The following ZFHX3 variants were observed in gnomAD, a reference collection of about 807,000 sequenced individuals.
The protein encoded by ZFHX3 is zinc finger homeobox 3, also known as zinc finger homeobox protein 3.
ZFHX3 carries 42 observed loss-of-function variants against 279.1 expected under a neutral mutation model. The ratio of observed to expected loss-of-function variants is 0.15; its 90% CI spans 0.12 to 0.19. ZFHX3 has a LOEUF of 0.19. ZFHX3 is among the 10% of genes least tolerant of loss of function. ZFHX3 has a pLI of 1.00. For missense variants in ZFHX3, 4,981 were observed against 4,754.0 expected (o/e 1.05, Z -1.40); for synonymous variants, 2,293 against 1,957.8 (o/e 1.17, Z -4.52).
chr16:73,486,674 C>G (rs1389506258), intron 2 of ZFHX3: 1 of 403,508 alleles, frequency 2.5e-6, no homozygotes, highest in East Asian at 7.2e-5. Context: ...AGGTGTGATG[C>G]AGTTTTTATT....
At chr16:73,762,768 C>G (rs1185370197) in intron 1 of ZFHX3, among the ~76,000 whole-genome samples, 1 of 152,098 alleles carries the variant, frequency 6.6e-6, no homozygotes, top group Non-Finnish European at 1.5e-5. Flanking sequence ...TAAGTGGGAG[C>G]TGAACAGTGT....
chr16:73,141,530 A>C (rs1264636893), intron 6 of ZFHX3, among the ~76,000 whole-genome samples: 3 of 151,562 alleles, frequency 2.0e-5, no homozygotes, highest in African/African-American at 7.3e-5. Context: ...CCCGAGTAGC[A>C]GGGACTACAG....
At chr16:73,087,814 A>C (rs766744361) in intron 8 of ZFHX3, among the ~76,000 whole-genome samples, 3 of 151,556 alleles carry the variant, frequency 2.0e-5, no homozygotes, top group African/African-American at 4.8e-5. Context: ...GCCAAGCCAA[A>C]CTTTCATTTC....
At chr16:72,867,255 A>G (rs773037531) in intron 4 of ZFHX3, among the ~76,000 whole-genome samples, 1 of 152,224 alleles carries the variant, frequency 6.6e-6, no homozygotes, top group African/African-American at 2.4e-5. Flanking sequence ...TCAGTGTGGC[A>G]TATTATGTGA....
chr16:72,930,417 T>TA (rs967293792), intron 3 of ZFHX3, among the ~76,000 whole-genome samples: 13 of 146,978 alleles, frequency 8.8e-5, no homozygotes, highest in South Asian at 4.3e-4. Context: ...AACATAAGCT[T>TA]AAAAAAAAAA....
In ZFHX3 at chr16:72,797,044, A is replaced by G; in HGVS notation, c.5638T>C (p.Leu1880=). The change falls in exon 9 of 10, where the codon TTG becomes CTG. Residue 1880 remains leucine, a synonymous_variant. Coordinates refer to ENST00000268489, the MANE Select transcript of ZFHX3 (RefSeq NM_006885.4). ...TCTTTTTCCTTTTCTTTGATGACCA[A>G]TTTGTTCTTCTTTTCGGGGTGCTGG... is the stretch of plus-strand genomic sequence containing the variant. The part of the protein sequence containing the change: ...PSQHPEKKNK[L]VIKEKEKESQ... 1 of 1,613,472 alleles carries G rather than the reference A, an allele frequency of 6.2e-7. No homozygotes were observed. The highest frequency in any genetic ancestry group is 1.1e-5 in the South Asian group (1 of 91,032).
chr16:73,682,679 C>T (rs548389657), intron 1 of ZFHX3, among the ~76,000 whole-genome samples: 13 of 151,508 alleles, frequency 8.6e-5, no homozygotes, highest in South Asian at 4.2e-4. Flanking sequence ...CCCAGCTACT[C>T]GGGAGGCTGA....
At chr16:73,674,386 T>A (rs1442483201) in intron 2 of ZFHX3, among the ~76,000 whole-genome samples, 4 of 152,102 alleles carry the variant, frequency 2.6e-5, no homozygotes, top group African/African-American at 7.2e-5. Flanking sequence ...AAGTGCACAG[T>A]GTGACATTTC....
At chr16:73,078,766 T>A (rs1033722538) in intron 8 of ZFHX3, among the ~76,000 whole-genome samples, 2 of 151,990 alleles carry the variant, frequency 1.3e-5, no homozygotes, top group African/African-American at 4.8e-5. Context: ...TGCCTTAGCG[T>A]CCCGAGTAGC....
chr16:73,252,332 G>C (rs1030168586), intron 5 of ZFHX3, among the ~76,000 whole-genome samples: 3 of 152,228 alleles, frequency 2.0e-5, no homozygotes, highest in Non-Finnish European at 4.4e-5. Context: ...GGCAGGCATT[G>C]ACGGCTGGAG....
At chr16:73,856,554 A>G (rs1004487945) in intron 1 of ZFHX3, among the ~76,000 whole-genome samples, 8 of 152,228 alleles carry the variant, frequency 5.3e-5, no homozygotes, top group African/African-American at 1.7e-4. Flanking sequence ...TATTTAAAAC[A>G]TATTTTCTCT....
intron 2 of ZFHX3, among the ~76,000 whole-genome samples, chr16:73,468,554 G>C (rs552643896): frequency 7.0e-4 from 106 of 152,266 alleles, no homozygotes; most frequent in African/African-American, 2.4e-3. Flanking sequence ...TGGCCAACAT[G>C]GCGAAACCCC....
Position 72,944,885 on chromosome 16 carries a change from G to C in ZFHX3, c.3216+5584C>G, listed in dbSNP as rs530790323. On this transcript the variant is annotated intron_variant, in intron 3 of 9. Transcript: ENST00000268489. Reference sequence around the variant, plus strand: ...AAACACTAAAAGCATTTAGAAAAAAGAGAATAAAAGTGCTATGGTTAATGG... The same window carrying C: ...AAACACTAAAAGCATTTAGAAAAAACAGAATAAAAGTGCTATGGTTAATGG... Among the ~76,000 whole-genome samples the C allele has an allele frequency of 2.6e-5, 4 of 152,110 alleles. No individual in the cohort carries two copies. In the South Asian group the frequency reaches 6.2e-4, roughly 24 times the overall value.
chr16:73,590,031 T>C (rs181079020), intron 2 of ZFHX3, among the ~76,000 whole-genome samples: 6 of 152,154 alleles, frequency 3.9e-5, no homozygotes, highest in African/African-American at 9.7e-5. Context: ...AGTGTTAGTG[T>C]TGTTATGCTG....
At chr16:73,836,281 A>G (rs1268550975) in intron 1 of ZFHX3, among the ~76,000 whole-genome samples, 1 of 152,182 alleles carries the variant, frequency 6.6e-6, no homozygotes, top group Non-Finnish European at 1.5e-5. Flanking sequence ...GTCCACTACT[A>G]CAGGAGACAG....
intron 8 of ZFHX3, among the ~76,000 whole-genome samples, chr16:73,090,288 G>A (rs1375727262): frequency 6.6e-6 from 1 of 152,200 alleles, no homozygotes; most frequent in Non-Finnish European, 1.5e-5. Flanking sequence ...AGCTACTCAG[G>A]AGGCTGAGGT....
At chr16:73,364,553 A>G (rs1323142574) in intron 3 of ZFHX3, among the ~76,000 whole-genome samples, 1 of 152,172 alleles carries the variant, frequency 6.6e-6, no homozygotes, top group African/African-American at 2.4e-5. Context: ...GCCACAAAGG[A>G]AAGTCCCACA....
chr16:73,258,338 C>CATATATATATATATATATATAT (rs59013847), intron 4 of ZFHX3, among the ~76,000 whole-genome samples: 11 of 124,956 alleles, frequency 8.8e-5, no homozygotes, highest in African/African-American at 2.9e-4. Flanking sequence ...TTTGCTATGA[C>CATATATATATATATATATATAT]ATATATATAT....
At chr16:73,515,033 A>T (rs955865315) in intron 2 of ZFHX3, among the ~76,000 whole-genome samples, 1 of 152,242 alleles carries the variant, frequency 6.6e-6, no homozygotes, top group African/African-American at 2.4e-5. Flanking sequence ...GAAATAAAGA[A>T]ATAAAAAGAA....
Sources: gnomAD v4.1 joint callset for allele counts (sites outside exome capture counted in the v4.1 genomes callset) on GRCh38, gnomAD v4.1.1 for gene constraint, MANE v1.5 for transcripts, NCBI Gene and HGNC (gene_info 2026-07-23, HGNC 2026-07-21) for gene names.